THSD7B: variants seen among roughly 807,000 people sequenced by gnomAD.
The protein encoded by THSD7B is thrombospondin type-1 domain-containing protein 7B.
In THSD7B, 138 loss-of-function variants were observed where a neutral mutation model predicts 213.6. The observed-to-expected ratio is 0.65, with a 90% CI of 0.56 to 0.74. The LOEUF is 0.74. THSD7B is among the 30% of genes least tolerant of loss of function. THSD7B has a pLI of 0.00. For missense variants in THSD7B, 1,931 were observed against 1,991.5 expected (o/e 0.97, Z 0.58); for synonymous variants, 742 against 687.0 (o/e 1.08, Z -1.25).
intron 2 of THSD7B, among the ~76,000 whole-genome samples, chr2:136,928,664 T>A (rs1479288755): frequency 2.0e-5 from 3 of 152,172 alleles, no homozygotes; most frequent in African/African-American, 7.2e-5. Flanking sequence ...TACCCATAAT[T>A]CATAATTGAA....
intron 2 of THSD7B, among the ~76,000 whole-genome samples, chr2:136,956,096 C>T (rs187631588): frequency 4.8e-4 from 72 of 150,804 alleles, no homozygotes; most frequent in Non-Finnish European, 8.9e-4. Flanking sequence ...AAGATTCTTA[C>T]TCTCAGGCAG....
intron 2 of THSD7B, among the ~76,000 whole-genome samples, chr2:136,924,633 T>C (rs1684491776): frequency 6.6e-6 from 1 of 152,230 alleles, no homozygotes; most frequent in East Asian, 1.9e-4. Context: ...GGCCTTATTT[T>C]TTTTCAAGAT....
chr2:137,171,627 A>G (rs891015715), intron 7 of THSD7B, among the ~76,000 whole-genome samples: 3 of 152,200 alleles, frequency 2.0e-5, no homozygotes, highest in Non-Finnish European at 4.4e-5. Flanking sequence ...GTACCTTGGA[A>G]GAATATCGTG....
chr2:137,670,258 G>A (rs867156866), intron 27 of THSD7B, among the ~76,000 whole-genome samples: 1 of 152,086 alleles, frequency 6.6e-6, no homozygotes, highest in Non-Finnish European at 1.5e-5. Context: ...TAGCTCCAGG[G>A]ATCAGCCCTT....
At chr2:137,660,454 CTAT>C (rs1683321330) in intron 25 of THSD7B, among the ~76,000 whole-genome samples, 2 of 152,014 alleles carry the variant, frequency 1.3e-5, no homozygotes, top group Non-Finnish European at 2.9e-5. Context: ...GTACTCAGTC[CTAT>C]TATTGGCCTT....
intron 15 of THSD7B, among the ~76,000 whole-genome samples, chr2:137,532,478 T>G (rs1349935817): frequency 2.0e-5 from 3 of 151,880 alleles, no homozygotes; most frequent in Non-Finnish European, 4.4e-5. Flanking sequence ...CAAAACAAAT[T>G]TAATTTAGAT....
chr2:136,983,358 G>GACACACACACACACACACACACACACAC (rs778968995), intron 2 of THSD7B, among the ~76,000 whole-genome samples: 4,027 of 104,968 alleles, frequency 0.038, 213 homozygotes, highest in East Asian at 0.11. Context: ...CAGACACACA[G>GACACACACACACACACACACACACACAC]ACACACACAC....
chr2:136,939,947 G>A (rs558320534), intron 2 of THSD7B, among the ~76,000 whole-genome samples: 1 of 152,186 alleles, frequency 6.6e-6, no homozygotes, highest in East Asian at 1.9e-4. Flanking sequence ...CTTTCATTTT[G>A]TGTGCAGAGT....
At chr2:136,777,586 C>T (rs565927978) in intron 1 of THSD7B, among the ~76,000 whole-genome samples, 56 of 152,232 alleles carry the variant, frequency 3.7e-4, no homozygotes, top group East Asian at 2.3e-3. Context: ...GAGCCAAGAA[C>T]GGACTGGCAA....
Position 137,676,507 on chromosome 2 carries a change from T to C in THSD7B, c.4740-17T>C, listed in dbSNP as rs1683702808. On this transcript the variant is annotated splice_polypyrimidine_tract_variant and intron_variant, in intron 27 of 27. Transcript: ENST00000409968. ...CTATGAACTTACTTGATCTGAGGAA[T>C]TTTTTTCCCTTTGCAGCAAGAAGCC... The C allele has an allele frequency of 6.4e-7, 1 of 1,572,988 alleles. No individual in the cohort carries two copies. The highest frequency in any genetic ancestry group is 8.6e-7 in the Non-Finnish European group (1 of 1,160,948).
chr2:137,122,781 C>T (rs908648544), intron 5 of THSD7B, among the ~76,000 whole-genome samples: 13 of 152,222 alleles, frequency 8.5e-5, no homozygotes, highest in African/African-American at 3.1e-4. Flanking sequence ...ATTTTCCTCC[C>T]TCACACATTT....
intron 17 of THSD7B, among the ~76,000 whole-genome samples, chr2:137,574,726 G>T (rs930051034): frequency 6.6e-6 from 1 of 151,982 alleles, no homozygotes; most frequent in African/African-American, 2.4e-5. Context: ...CTAAATCTAG[G>T]TATATTGCAT....
chr2:137,587,722 C>T (rs1318138628), intron 17 of THSD7B, among the ~76,000 whole-genome samples: 2 of 152,186 alleles, frequency 1.3e-5, no homozygotes, highest in Non-Finnish European at 2.9e-5. Flanking sequence ...GGTACCTGGC[C>T]GTGTGAGGTG....
At chr2:136,969,088 A>G (rs1038461686) in intron 2 of THSD7B, among the ~76,000 whole-genome samples, 7 of 152,154 alleles carry the variant, frequency 4.6e-5, no homozygotes, top group Admixed American at 4.6e-4. Flanking sequence ...GATGTCAGCT[A>G]TAGGTCTGCT....
chr2:137,432,902 A>G (rs2105042426), intron 14 of THSD7B, among the ~76,000 whole-genome samples: 1 of 152,328 alleles, frequency 6.6e-6, no homozygotes, highest in East Asian at 1.9e-4. Context: ...TATTATTTAT[A>G]TTAGACTTTA....
intron 7 of THSD7B, among the ~76,000 whole-genome samples, chr2:137,190,877 G>A (rs1680644089): frequency 6.6e-6 from 1 of 152,186 alleles, no homozygotes; most frequent in African/African-American, 2.4e-5. Flanking sequence ...GGAGAAGGCT[G>A]CCCACTGACA....
At chr2:136,929,259 G>A (rs920033224) in intron 2 of THSD7B, among the ~76,000 whole-genome samples, 27 of 152,142 alleles carry the variant, frequency 1.8e-4, no homozygotes, top group African/African-American at 6.5e-4. Context: ...AATCATTTCA[G>A]TTTGTAAAAC....
intron 2 of THSD7B, among the ~76,000 whole-genome samples, chr2:136,969,044 G>T (rs1416147236): frequency 6.6e-6 from 1 of 152,094 alleles, no homozygotes; most frequent in Non-Finnish European, 1.5e-5. Context: ...ATCTACATTT[G>T]CAAGTTTTTA....
chr2:137,397,405 A>C (rs1156544938), intron 12 of THSD7B, among the ~76,000 whole-genome samples: 2 of 151,908 alleles, frequency 1.3e-5, no homozygotes, highest in Non-Finnish European at 2.9e-5. Context: ...AAAGGATTTT[A>C]TTTCTCCTTC....
Sources: allele counts gnomAD v4.1 joint callset (sites outside exome capture counted in the v4.1 genomes callset), GRCh38; gene constraint gnomAD v4.1.1; transcripts MANE v1.5; gene names NCBI Gene and HGNC (gene_info 2026-07-23, HGNC 2026-07-21).